LRP1B: variants seen among roughly 807,000 people sequenced by gnomAD.
LRP1B encodes low-density lipoprotein receptor-related protein 1B.
In LRP1B, 217 loss-of-function variants were observed where a neutral mutation model predicts 556.6. The observed-to-expected ratio is 0.39, with a 90% CI of 0.35 to 0.44. LRP1B has a LOEUF of 0.44. Ranked by LOEUF, LRP1B falls within the 20% of genes least tolerant of loss-of-function variation. LRP1B has a pLI of 1.00. For missense variants in LRP1B, 5,053 were observed against 5,620.8 expected, an observed-to-expected ratio of 0.90 and a Z score of 3.23; for synonymous variants, 2,047 against 1,865.8, an observed-to-expected ratio of 1.10 and a Z score of -2.50.
At position 142,127,998 on chromosome 2, in the gene LRP1B, A is replaced by C. The variant is rs188927374; in HGVS notation, c.82+2650T>G. Among the ~76,000 whole-genome samples the C allele has an allele frequency of 5.3e-4, 80 of 152,244 alleles. 2 individuals are homozygous for C. Among genetic ancestry groups the C allele is most frequent in the South Asian group, 5.0e-3 (24 of 4,834 alleles). ...TTATCTTCCAATTTTGGCTGTTAAG[A>C]GTTACAAAGATGTTTCCTTTTTAAG... On this transcript the variant is annotated intron_variant, in intron 1 of 90. Transcript: ENST00000389484.
chr2:140,470,553 G>A (rs1183933304), intron 60 of LRP1B, among the ~76,000 whole-genome samples: 1 of 146,822 alleles, frequency 6.8e-6, no homozygotes, highest in Non-Finnish European at 1.5e-5. Context: ...GCTGAGGCAG[G>A]AGAATGGCAT....
intron 7 of LRP1B, among the ~76,000 whole-genome samples, chr2:141,173,797 T>C (rs927858449): frequency 6.6e-6 from 1 of 151,970 alleles, no homozygotes; most frequent in Non-Finnish European, 1.5e-5. Context: ...ACCAACTCAA[T>C]CAATCTTGAC....
chr2:141,644,565 A>T (rs1689478324), intron 2 of LRP1B, among the ~76,000 whole-genome samples: 1 of 152,164 alleles, frequency 6.6e-6, no homozygotes, highest in Non-Finnish European at 1.5e-5. Flanking sequence ...TAAAATTATT[A>T]GATAAATTGT....
At chr2:141,317,417 C>T (rs1687074075) in intron 3 of LRP1B, among the ~76,000 whole-genome samples, 1 of 152,116 alleles carries the variant, frequency 6.6e-6, no homozygotes, top group East Asian at 1.9e-4. Flanking sequence ...CAACATTCTA[C>T]CATCTCTTTG....
chr2:142,047,065 A>T (rs1416967472), intron 1 of LRP1B, among the ~76,000 whole-genome samples: 1 of 152,034 alleles, frequency 6.6e-6, no homozygotes, highest in African/African-American at 2.4e-5. Flanking sequence ...CAGTACTTCA[A>T]ATATCAAGCT....
rs922559429 is a variant in LRP1B at position 141,923,712 on chromosome 2, A to G, written c.83-113311T>C. Among the ~76,000 whole-genome samples, 7 of 151,804 alleles carry G rather than the reference A, an allele frequency of 4.6e-5. 1 individual carries two copies. Among genetic ancestry groups the G allele is most frequent in the Non-Finnish European group, 8.8e-5 (6 of 67,992 alleles). On this transcript the variant is annotated intron_variant, in intron 1 of 90. Transcript: ENST00000389484. ...CCTTGATGATATCATAATTAAAAAAAAAATCCAGAACTCCAGAATTAACTC... is the reference window on the plus strand; with the variant it reads ...CCTTGATGATATCATAATTAAAAAAGAAATCCAGAACTCCAGAATTAACTC...
chr2:140,883,839 T>C lies in LRP1B; in HGVS notation c.4147A>G (p.Ile1383Val), dbSNP rs1559173814. ...IAGAMEHPRA[I>V]ALDPRYGILF... Reference sequence around the variant, plus strand: ...TACCCATATCTTGGGTCCAAAGCAATGGCCCTGGGGTGTTCCATGGCTCCT... The same window carrying C: ...TACCCATATCTTGGGTCCAAAGCAACGGCCCTGGGGTGTTCCATGGCTCCT... Residue 1383 changes from isoleucine to valine, a missense_variant, in exon 25 of 91, where the codon ATT becomes GTT. Coordinates refer to ENST00000389484, the MANE Select transcript of LRP1B (RefSeq NM_018557.3). The C allele has an allele frequency of 6.2e-7, 1 of 1,613,712 alleles. No homozygotes were observed. Among genetic ancestry groups the C allele is most frequent in the South Asian group, 1.1e-5 (1 of 91,006 alleles).
At chr2:140,418,631 G>C (rs62172975) in intron 66 of LRP1B, among the ~76,000 whole-genome samples, 6,192 of 151,508 alleles carry the variant, frequency 0.041, 186 homozygotes, top group South Asian at 0.064. Context: ...AGAGTACACT[G>C]GATATAAGCA....
chr2:141,869,250 C>A (rs1232829849), intron 1 of LRP1B, among the ~76,000 whole-genome samples: 1 of 151,906 alleles, frequency 6.6e-6, no homozygotes, highest in Non-Finnish European at 1.5e-5. Context: ...ATGGTTACTG[C>A]AATGAAAAAA....
At chr2:140,614,041 TG>T (rs1420910113) in intron 41 of LRP1B, among the ~76,000 whole-genome samples, 1 of 152,068 alleles carries the variant, frequency 6.6e-6, no homozygotes, top group Non-Finnish European at 1.5e-5. Context: ...CTTCGATTAT[TG>T]AAAGCTAGTA....
At chr2:140,347,079 C>T (rs982784968) in intron 77 of LRP1B, among the ~76,000 whole-genome samples, 2 of 151,656 alleles carry the variant, frequency 1.3e-5, no homozygotes, top group African/African-American at 4.8e-5. Flanking sequence ...TTGCATTTTT[C>T]CAAACATTAA....
At chr2:140,934,985 T>C (rs1695161577) in intron 20 of LRP1B, among the ~76,000 whole-genome samples, 1 of 152,164 alleles carries the variant, frequency 6.6e-6, no homozygotes, top group Admixed American at 6.6e-5. Flanking sequence ...GAAAAGACCT[T>C]AAGTTTATAC....
intron 41 of LRP1B, among the ~76,000 whole-genome samples, chr2:140,670,561 T>A (rs935910953): frequency 1.2e-4 from 18 of 152,168 alleles, no homozygotes; most frequent in Non-Finnish European, 2.6e-4. Flanking sequence ...TTTAGAAGGC[T>A]AGACCCTGCA....
At chr2:140,666,480 C>T (rs1685280458) in intron 41 of LRP1B, among the ~76,000 whole-genome samples, 1 of 151,932 alleles carries the variant, frequency 6.6e-6, no homozygotes. Flanking sequence ...GTAAGCGATC[C>T]ATACAAACAT....
chr2:141,529,863 G>T (rs555385069), intron 2 of LRP1B, among the ~76,000 whole-genome samples: 1 of 152,160 alleles, frequency 6.6e-6, no homozygotes, highest in South Asian at 2.1e-4. Context: ...CAAGAAAAAT[G>T]ATCTACTGTA....
chr2:140,650,319 T>G lies in LRP1B; in HGVS notation c.6800-48680A>C, dbSNP rs111868554. 5.6e-4 allele frequency among the ~76,000 whole-genome samples: 45 copies of G among 79,890 alleles called. 1 individual carries two copies. The highest frequency in any genetic ancestry group is 3.7e-3 in the African/African-American group (36 of 9,838). The allele number at this position is 79,890 out of a possible 152,430, so 52.4% of individuals were successfully genotyped here. On this transcript the variant is annotated intron_variant, in intron 41 of 90. Coordinates refer to ENST00000389484, the MANE Select transcript of LRP1B (RefSeq NM_018557.3). ...TCACTTTATTTTTATTTTTATTTAT[T>G]TATTTATTTATTTATTTATTTATTT...
At chr2:141,090,144 T>G (rs1406560809) in intron 7 of LRP1B, among the ~76,000 whole-genome samples, 1 of 152,222 alleles carries the variant, frequency 6.6e-6, no homozygotes, top group African/African-American at 2.4e-5. Context: ...AGGGGGTTAG[T>G]GTTGATTGAT....
intron 20 of LRP1B, among the ~76,000 whole-genome samples, chr2:140,934,015 T>C (rs1695129554): frequency 6.6e-6 from 1 of 152,108 alleles, no homozygotes; most frequent in South Asian, 2.1e-4. Context: ...ACATTGTTTA[T>C]ATGTCTCAGT....
chr2:140,707,821 T>G (rs1686892906), intron 37 of LRP1B, among the ~76,000 whole-genome samples: 1 of 152,112 alleles, frequency 6.6e-6, no homozygotes, highest in East Asian at 1.9e-4. Flanking sequence ...TGCTATTGAT[T>G]AAAGAATTCT....
Sources: allele counts gnomAD v4.1 joint callset (sites outside exome capture counted in the v4.1 genomes callset), GRCh38; gene constraint gnomAD v4.1.1; transcripts MANE v1.5; gene names NCBI Gene and HGNC (gene_info 2026-07-23, HGNC 2026-07-21).